The following FARP2 variants were observed in gnomAD, a reference collection of about 807,000 sequenced individuals.
FARP2 encodes the protein FERM, ARHGEF and pleckstrin domain-containing protein 2.
Under a neutral mutation model 130.5 loss-of-function variants are expected in FARP2, and 111 were observed. The observed-to-expected ratio is 0.85, with a 90% CI of 0.73 to 1.00. The LOEUF (loss-of-function observed/expected upper bound fraction) is 1.00, where lower values mean the gene tolerates loss of function less well. Ranked by LOEUF, FARP2 falls within the 50% of genes least tolerant of loss-of-function variation. FARP2 has a pLI of 0.00. For synonymous variants in FARP2, 504 were observed against 516.9 expected (o/e 0.98, Z 0.34); for missense variants, 1,385 against 1,346.3 (o/e 1.03, Z -0.45).
intron 14 of FARP2, among the ~76,000 whole-genome samples, chr2:241,457,474 TTGGGTTCC>T (rs2063886178): frequency 5.5e-5 from 7 of 126,662 alleles, no homozygotes; most frequent in Middle Eastern, 5.6e-3. Context: ...AGGGACCGCT[TTGGGTTCC>T]GGAGAGGCTC....
At chr2:241,443,764 G>A (rs529354912) in intron 13 of FARP2, 3 of 152,376 alleles carry the variant, frequency 2.0e-5, no homozygotes, top group African/African-American at 4.8e-5. Context: ...GATAGGGTTG[G>A]GGTTTTTGTT....
chr2:241,356,913 G>T, intron 1 of FARP2, among the ~76,000 whole-genome samples: 1 of 152,256 alleles, frequency 6.6e-6, no homozygotes, highest in East Asian at 1.9e-4. Flanking sequence ...TGGGAATCAA[G>T]TGTTAGGTGT....
chr2:241,404,668 A>G (rs573486130), intron 3 of FARP2, 131 bp from the exon 4 acceptor site: 2 of 627,942 alleles, frequency 3.2e-6, no homozygotes, highest in African/African-American at 1.8e-5. Flanking sequence ...AACCTTTAAG[A>G]GGGGGGGTAG....
intron 14 of FARP2, among the ~76,000 whole-genome samples, chr2:241,458,324 T>C (rs1031271518): frequency 9.9e-5 from 15 of 152,218 alleles, no homozygotes; most frequent in African/African-American, 3.1e-4. Context: ...AGGTATGTCA[T>C]TGTGACACCT....
At chr2:241,402,867 T>A (rs2062220445) in intron 2 of FARP2, among the ~76,000 whole-genome samples, 1 of 16,990 alleles carries the variant, frequency 5.9e-5, no homozygotes, top group Non-Finnish European at 1.2e-4. Flanking sequence ...TATATATATA[T>A]ATATATATAT....
chr2:241,492,730 C>A, intron 24 of FARP2, 199 bp from the exon 25 acceptor site: 1 of 543,306 alleles, frequency 1.8e-6, no homozygotes, highest in East Asian at 3.0e-5. Context: ...TACTTGGTGC[C>A]TGGAATGTCA....
chr2:241,369,240 C>T (rs1235397184), intron 1 of FARP2, among the ~76,000 whole-genome samples: 6 of 152,080 alleles, frequency 3.9e-5, no homozygotes, highest in Middle Eastern at 6.8e-3. Flanking sequence ...GTCATGTTCT[C>T]GTGGAAGAGG....
At chr2:241,465,845 C>CA (rs1472265895) in intron 17 of FARP2, 1 of 1,528,162 alleles carries the variant, frequency 6.5e-7, no homozygotes, top group African/African-American at 1.4e-5. Context: ...CTAGAGTTCC[C>CA]AAGGGACTAT....
In FARP2 at chr2:241,434,300, G is replaced by A. The variant is rs145270312; in HGVS notation, c.1010G>A (p.Arg337Gln). ...AAAGCAAAAGCCGTCTTCTTCAGCC[G>A]GGGCTCCTCCTTCAGATACAGGTAG... ...KPKAKAVFFS[R>Q]GSSFRYSGRT... is the part of the protein sequence containing the mutation. The change falls in exon 10 of 27, where the codon CGG (arginine) becomes CAG (glutamine). Residue 337 changes from arginine (R) to glutamine (Q), a missense_variant. Physicochemically the swap from Arg to Gln is conservative, Grantham distance 43 (BLOSUM62 1). Coordinates refer to ENST00000264042, the MANE Select transcript of FARP2 (RefSeq NM_014808.4). 47 of 1,612,240 alleles carry A rather than the reference G, an allele frequency of 2.9e-5. No homozygotes were observed. Among genetic ancestry groups the A allele is most frequent in the East Asian group, 1.6e-4 (7 of 44,816 alleles).
intron 21 of FARP2, among the ~76,000 whole-genome samples, chr2:241,487,840 C>T (rs1417097301): frequency 1.2e-3 from 175 of 147,044 alleles, no homozygotes; most frequent in African/African-American, 3.8e-3. Context: ...CTCCACCTCC[C>T]GGGTTCACGC....
intron 2 of FARP2, among the ~76,000 whole-genome samples, chr2:241,377,333 C>CTTTTTTTT (rs1258121395): frequency 7.7e-6 from 1 of 129,722 alleles, no homozygotes; most frequent in Non-Finnish European, 1.6e-5. Flanking sequence ...TTGTTGGTTT[C>CTTTTTTTT]TTTTTTTTTT....
Position 241,483,537 on chromosome 2 carries a change from G to T in FARP2, c.2331+4G>T, listed in dbSNP as rs2064677145. ...GCAGCAGAGGATGTTTTTTCTGGTAGGTTCTCTCCCCACTCAAGCTGTGCT... is the reference window on the plus strand; with the variant it reads ...GCAGCAGAGGATGTTTTTTCTGGTATGTTCTCTCCCCACTCAAGCTGTGCT... On this transcript the variant is annotated splice_donor_region_variant and intron_variant, in intron 20 of 26. Transcript: ENST00000264042. 1.2e-6 allele frequency: 2 copies of T among 1,613,736 alleles called. No homozygotes were observed. Among genetic ancestry groups the T allele is most frequent in the Non-Finnish European group, 1.7e-6 (2 of 1,179,580 alleles).
chr2:241,465,606 C>A (rs2240482), intron 17 of FARP2: 3 of 1,550,444 alleles, frequency 1.9e-6, no homozygotes, highest in Non-Finnish European at 2.6e-6. Flanking sequence ...CAGTGCAGGT[C>A]GTGCATTGAC....
At chr2:241,452,425 A>G (rs113191968) in intron 13 of FARP2, among the ~76,000 whole-genome samples, 2,193 of 152,322 alleles carry the variant, frequency 0.014, 26 homozygotes, top group Middle Eastern at 0.037. Context: ...GTCTCCCCAC[A>G]GATTTACTGA....
chr2:241,431,095 G>A (rs1318628711), intron 8 of FARP2, among the ~76,000 whole-genome samples: 1 of 152,140 alleles, frequency 6.6e-6, no homozygotes, highest in Non-Finnish European at 1.5e-5. Flanking sequence ...ACAAGTCCCA[G>A]TGTATCTTCC....
chr2:241,403,816 C>CT lies in FARP2; in HGVS notation c.184-11dup, dbSNP rs1163599467. The CT allele has an allele frequency of 6.3e-7, 1 of 1,579,852 alleles. No individual in the cohort carries two copies. Among genetic ancestry groups the CT allele is most frequent in the African/African-American group, 1.3e-5 (1 of 74,144 alleles). ...TCAATCCTTGTTATTTTTCCCATCTCTCTCTGCACAGCCTAAATGCGATGG... is the reference window on the plus strand; with the variant it reads ...TCAATCCTTGTTATTTTTCCCATCTCTTCTCTGCACAGCCTAAATGCGATGG... On this transcript the variant is annotated splice_polypyrimidine_tract_variant and intron_variant, in intron 2 of 26. Transcript: ENST00000264042.
In FARP2 at chr2:241,411,024, C is replaced by T. The variant is rs1282342424; in HGVS notation, c.411-9C>T. The T allele has an allele frequency of 1.3e-6, 2 of 1,580,246 alleles. No homozygotes were observed. The highest frequency in any genetic ancestry group is 8.7e-7 in the Non-Finnish European group (1 of 1,152,980). ...ATTGATCTCTGTCTTATTTTGAACT[C>T]TCTTCTAGATACTTGTTTGCCTTGC... On this transcript the variant is annotated splice_polypyrimidine_tract_variant and intron_variant, in intron 5 of 26. Coordinates refer to ENST00000264042, the MANE Select transcript of FARP2 (RefSeq NM_014808.4).
At chr2:241,481,187 C>T (rs766424049) in intron 19 of FARP2, among the ~76,000 whole-genome samples, 1 of 152,016 alleles carries the variant, frequency 6.6e-6, no homozygotes, top group Non-Finnish European at 1.5e-5. Flanking sequence ...CGTGATCGTA[C>T]CACTGCACTC....
At chr2:241,428,013 G>C (rs534404578) in intron 8 of FARP2, among the ~76,000 whole-genome samples, 1 of 151,892 alleles carries the variant, frequency 6.6e-6, no homozygotes, top group East Asian at 1.9e-4. Context: ...TGATCCGCCC[G>C]CCTTGGCCTC....
Sources: gnomAD v4.1 joint callset for allele counts (sites outside exome capture counted in the v4.1 genomes callset) on GRCh38, gnomAD v4.1.1 for gene constraint, MANE v1.5 for transcripts, NCBI Gene and HGNC (gene_info 2026-07-23, HGNC 2026-07-21) for gene names.